The following ROBO2 variants were observed in gnomAD, a reference collection of about 807,000 sequenced individuals.
The protein encoded by ROBO2 is roundabout homolog 2.
In ROBO2, 53 loss-of-function variants were observed where a neutral mutation model predicts 160.8. That is an observed-to-expected ratio of 0.33 (90% confidence interval 0.26 to 0.41). ROBO2 has a LOEUF of 0.41. ROBO2 is among the 10% of genes least tolerant of loss of function. The pLI is 1.00. For missense variants in ROBO2, 1,577 were observed against 1,722.4 expected, an observed-to-expected ratio of 0.92 and a Z score of 1.49; for synonymous variants, 664 against 611.7, an observed-to-expected ratio of 1.09 and a Z score of -1.26.
chr3:76,533,424 G>A (rs373235405), intron 2 of ROBO2, among the ~76,000 whole-genome samples: 1 of 152,176 alleles, frequency 6.6e-6, no homozygotes, highest in Non-Finnish European at 1.5e-5. Flanking sequence ...AACTGCAACA[G>A]TTATTTAAAT....
chr3:76,033,155 G>T (rs1337615503), intron 2 of ROBO2, among the ~76,000 whole-genome samples: 1 of 151,922 alleles, frequency 6.6e-6, no homozygotes, highest in Non-Finnish European at 1.5e-5. Context: ...GTTTCCTCAG[G>T]GGGGAAAAAT....
chr3:76,917,127 G>A (rs897450957), intron 2 of ROBO2, among the ~76,000 whole-genome samples: 7 of 152,166 alleles, frequency 4.6e-5, no homozygotes, highest in South Asian at 4.1e-4. Context: ...ATCCGTACCC[G>A]GAGGGGAGAA....
chr3:76,297,844 C>T (rs566753275), intron 2 of ROBO2, among the ~76,000 whole-genome samples: 2 of 152,076 alleles, frequency 1.3e-5, no homozygotes, highest in East Asian at 3.9e-4. Context: ...ATCTAGTGCT[C>T]TAGTTTCTCT....
At chr3:76,920,112 A>G (rs1237520363) in intron 2 of ROBO2, among the ~76,000 whole-genome samples, 1 of 152,220 alleles carries the variant, frequency 6.6e-6, no homozygotes, top group East Asian at 1.9e-4. Flanking sequence ...ACTTTTGCCA[A>G]TAAATGTATC....
intron 2 of ROBO2, among the ~76,000 whole-genome samples, chr3:76,976,532 G>A (rs72902021): frequency 0.015 from 2,273 of 152,176 alleles, 58 homozygotes; most frequent in African/African-American, 0.052. Flanking sequence ...ACAGAGAATG[G>A]CTGGTAAGTA....
intron 2 of ROBO2, among the ~76,000 whole-genome samples, chr3:77,380,891 C>T (rs556269794): frequency 6.6e-6 from 1 of 152,248 alleles, no homozygotes; most frequent in South Asian, 2.1e-4. Context: ...TCACCCCACC[C>T]CCAAACTCAA....
At chr3:77,268,374 T>C (rs1483105291) in intron 2 of ROBO2, among the ~76,000 whole-genome samples, 1 of 152,170 alleles carries the variant, frequency 6.6e-6, no homozygotes, top group Non-Finnish European at 1.5e-5. Flanking sequence ...AAATACTCAC[T>C]GTGCTCTGAA....
At chr3:77,569,530 TAAC>T (rs1274359288) in intron 13 of ROBO2, among the ~76,000 whole-genome samples, 2 of 152,054 alleles carry the variant, frequency 1.3e-5, no homozygotes, top group African/African-American at 4.8e-5. Flanking sequence ...CTTATTGACT[TAAC>T]AAGTGTTTAT....
At chr3:76,420,938 G>A (rs1027388031) in intron 2 of ROBO2, among the ~76,000 whole-genome samples, 5 of 152,126 alleles carry the variant, frequency 3.3e-5, no homozygotes, top group African/African-American at 1.2e-4. Context: ...ACATGTATAA[G>A]AAGAAGTGAA....
At chr3:76,925,135 C>T (rs1454607893) in intron 2 of ROBO2, among the ~76,000 whole-genome samples, 2 of 144,940 alleles carry the variant, frequency 1.4e-5, no homozygotes, top group East Asian at 2.1e-4. Flanking sequence ...GGCGTGAACC[C>T]GGGAGGCGGA....
intron 2 of ROBO2, among the ~76,000 whole-genome samples, chr3:76,983,532 T>A (rs2060209856): frequency 6.6e-6 from 1 of 152,178 alleles, no homozygotes. Flanking sequence ...ATTGATTTCA[T>A]TCACACCCTT....
intron 2 of ROBO2, among the ~76,000 whole-genome samples, chr3:76,330,750 C>T (rs1443869510): frequency 6.6e-6 from 1 of 152,100 alleles, no homozygotes; most frequent in East Asian, 1.9e-4. Flanking sequence ...AATGAAAATA[C>T]CAAATGTCTT....
chr3:77,351,283 G>T (rs1560596725), intron 2 of ROBO2, among the ~76,000 whole-genome samples: 1 of 152,138 alleles, frequency 6.6e-6, no homozygotes, highest in Non-Finnish European at 1.5e-5. Flanking sequence ...TACTGGCATT[G>T]TGATGGCATA....
intron 2 of ROBO2, among the ~76,000 whole-genome samples, chr3:76,828,740 T>C (rs1004836186): frequency 1.3e-5 from 2 of 152,180 alleles, no homozygotes; most frequent in Non-Finnish European, 2.9e-5. Context: ...TAAGCATACC[T>C]GGTCCCTTGA....
intron 2 of ROBO2, among the ~76,000 whole-genome samples, chr3:77,108,460 A>G (rs901740275): frequency 1.2e-4 from 19 of 152,098 alleles, no homozygotes; most frequent in African/African-American, 4.6e-4. Flanking sequence ...GATTACAAGT[A>G]TGAGCCATCA....
intron 2 of ROBO2, among the ~76,000 whole-genome samples, chr3:76,689,709 G>A (rs1188717051): frequency 6.6e-6 from 1 of 152,040 alleles, no homozygotes; most frequent in East Asian, 1.9e-4. Flanking sequence ...GCCATCATAC[G>A]GAAAGCTTTC....
At chr3:76,425,487 AGTGTGTGTGTGTGTGTGT>A (rs10530471) in intron 2 of ROBO2, among the ~76,000 whole-genome samples, 4 of 146,578 alleles carry the variant, frequency 2.7e-5, no homozygotes, top group Non-Finnish European at 1.5e-5. Context: ...TGATGCAGCA[AGTGTGTGTGTGTGTGTGT>A]GTGTGTGTGT....
At chr3:77,311,018 TATTATGAATTTTTGTGGG>T (rs1385830162) in intron 2 of ROBO2, among the ~76,000 whole-genome samples, 1 of 152,192 alleles carries the variant, frequency 6.6e-6, no homozygotes, top group Non-Finnish European at 1.5e-5. Context: ...CTATACATTT[TATTATGAATTTTTGTGGG>T]TAGGTTTAAA....
At chr3:76,476,926 G>A (rs1047070949) in intron 2 of ROBO2, among the ~76,000 whole-genome samples, 21 of 152,286 alleles carry the variant, frequency 1.4e-4, no homozygotes, top group South Asian at 4.1e-4. Flanking sequence ...GAATGGGGCC[G>A]AGTGGCATTG....
Sources: gnomAD v4.1 joint callset for allele counts (sites outside exome capture counted in the v4.1 genomes callset) on GRCh38, gnomAD v4.1.1 for gene constraint, MANE v1.5 for transcripts, NCBI Gene and HGNC (gene_info 2026-07-23, HGNC 2026-07-21) for gene names.